Variants in ABCG2 observed in about 807,000 individuals in gnomAD.
ABCG2 encodes broad substrate specificity ATP-binding cassette transporter ABCG2.
Under a neutral mutation model 73.5 loss-of-function variants are expected in ABCG2, and 80 were observed. The observed-to-expected ratio is 1.09, with a 90% CI of 0.91 to 1.31. ABCG2 has a LOEUF of 1.31. Among genes scored for constraint, ABCG2 ranks in the 50% most tolerant of loss-of-function variants. The probability of loss-of-function intolerance (pLI) is 0.00; values close to 1 mark genes in which losing one functional copy is unlikely to be tolerated. For synonymous variants in ABCG2, 269 were observed against 282.4 expected (o/e 0.95, Z 0.48); for missense variants, 796 against 786.2 (o/e 1.01, Z -0.15).
chr4:88,129,358 A>C (rs931857097), intron 5 of ABCG2, among the ~76,000 whole-genome samples: 13 of 152,174 alleles, frequency 8.5e-5, no homozygotes, highest in African/African-American at 2.9e-4. Flanking sequence ...GTTATGTTTA[A>C]AATTTCACAA....
intron 9 of ABCG2, among the ~76,000 whole-genome samples, chr4:88,110,673 G>A (rs998578497): frequency 6.6e-5 from 10 of 152,116 alleles, no homozygotes; most frequent in Non-Finnish European, 1.2e-4. Flanking sequence ...CCAGCCTTTC[G>A]TTTATTATTG....
rs147171192 is a variant in ABCG2 at position 88,214,436 on chromosome 4, A to G, written c.-20+16558T>C. On this transcript the variant is annotated intron_variant, in intron 1 of 15. Transcript: ENST00000515655. ...TCTCAAATCCACTCCAATCAGAACG[A>G]TGAGACACATGACAAATTGTTTTAA... Among the ~76,000 whole-genome samples, 851 of 152,264 alleles carry G rather than the reference A, an allele frequency of 5.6e-3. 6 individuals carry two copies. The highest frequency in any genetic ancestry group is 0.013 in the Admixed American group (195 of 15,294).
chr4:88,187,684 T>C (rs1728520370), intron 1 of ABCG2, among the ~76,000 whole-genome samples: 1 of 152,208 alleles, frequency 6.6e-6, no homozygotes, highest in African/African-American at 2.4e-5. Flanking sequence ...GATTATTACA[T>C]ATTGTATGCC....
At chr4:88,128,293 G>A (rs1035937124) in intron 5 of ABCG2, among the ~76,000 whole-genome samples, 1 of 152,226 alleles carries the variant, frequency 6.6e-6, no homozygotes, top group Non-Finnish European at 1.5e-5. Flanking sequence ...AGAGGATGTG[G>A]AGAAATAAGA....
intron 6 of ABCG2, among the ~76,000 whole-genome samples, chr4:88,118,472 G>A (rs916085864): frequency 6.6e-6 from 1 of 152,128 alleles, no homozygotes. Context: ...GTGTTGTATT[G>A]ACAATCTAGA....
At chr4:88,229,235 C>T (rs77197787) in intron 1 of ABCG2, among the ~76,000 whole-genome samples, 5,038 of 152,294 alleles carry the variant, frequency 0.033, 127 homozygotes, top group Admixed American at 0.047. Context: ...CAACTCTGGA[C>T]ACAGTTCCAT....
chr4:88,170,938 C>T (rs1489641986), intron 1 of ABCG2, among the ~76,000 whole-genome samples: 1 of 152,032 alleles, frequency 6.6e-6, no homozygotes, highest in Non-Finnish European at 1.5e-5. Flanking sequence ...TACTATGCAG[C>T]CATAAAAAGG....
chr4:88,093,443 G>T (rs889045468), intron 15 of ABCG2, among the ~76,000 whole-genome samples: 6 of 146,622 alleles, frequency 4.1e-5, no homozygotes, highest in African/African-American at 1.5e-4. Context: ...GGTGGAGCTT[G>T]CAGTGAGCGG....
chr4:88,189,404 C>T (rs1370955969), intron 1 of ABCG2, among the ~76,000 whole-genome samples: 1 of 152,042 alleles, frequency 6.6e-6, no homozygotes, highest in Admixed American at 6.6e-5. Context: ...TTCCTAGCCA[C>T]TCAGGAGGCT....
intron 15 of ABCG2, 30 bp from the exon 16 acceptor site, chr4:88,092,411 T>C (rs1375979646): frequency 1.3e-6 from 2 of 1,597,348 alleles, no homozygotes; most frequent in African/African-American, 1.4e-5. Flanking sequence ...GAATATAACT[T>C]CATTCCTAGC....
intron 9 of ABCG2, among the ~76,000 whole-genome samples, chr4:88,110,359 A>T (rs908367315): frequency 3.9e-5 from 6 of 152,030 alleles, no homozygotes; most frequent in African/African-American, 1.4e-4. Flanking sequence ...CCTGGCCAAC[A>T]TGGTGCGACC....
At chr4:88,224,227 A>C (rs1032786299) in intron 1 of ABCG2, among the ~76,000 whole-genome samples, 6 of 152,278 alleles carry the variant, frequency 3.9e-5, no homozygotes, top group African/African-American at 1.2e-4. Context: ...AGGCAGGTGG[A>C]TCACTTGAGC....
rs1343164412 is a variant in ABCG2 at position 88,099,378 on chromosome 4, G to A, written c.1438C>T (p.Pro480Ser). ...ATAATACTTGGTAACATCCTCATGG[G>A]TAATAAATCAGATAACAGTTTTCCA... ...FLGKLLSDLL[P>S]MRMLPSIIFT... is the part of the protein sequence containing the mutation. Residue 480 changes from proline to serine, a missense_variant, in exon 12 of 16, where the codon CCC becomes TCC. Pro to Ser is a moderately conservative substitution (Grantham distance 74). Transcript: ENST00000237612. 1.9e-6 allele frequency: 3 copies of A among 1,611,582 alleles called. No homozygotes were observed. The highest frequency in any genetic ancestry group is 1.3e-5 in the African/African-American group (1 of 74,816).
intron 1 of ABCG2, among the ~76,000 whole-genome samples, chr4:88,152,149 C>T (rs1726538435): frequency 6.6e-6 from 1 of 152,112 alleles, no homozygotes; most frequent in Non-Finnish European, 1.5e-5. Flanking sequence ...GATAGAAGCT[C>T]ACATATGCAT....
At chr4:88,168,229 C>T (rs1341231148) in intron 1 of ABCG2, among the ~76,000 whole-genome samples, 1 of 152,026 alleles carries the variant, frequency 6.6e-6, no homozygotes, top group African/African-American at 2.4e-5. Flanking sequence ...TGGTTCACAC[C>T]TGTAATCCCA....
At chr4:88,212,996 G>A (rs995774464) in intron 1 of ABCG2, among the ~76,000 whole-genome samples, 1 of 152,194 alleles carries the variant, frequency 6.6e-6, no homozygotes, top group African/African-American at 2.4e-5. Flanking sequence ...TGAACTCTGG[G>A]GCCCAAATGA....
chr4:88,197,203 A>AAC, intron 1 of ABCG2, among the ~76,000 whole-genome samples: 1 of 151,970 alleles, frequency 6.6e-6, no homozygotes, highest in Non-Finnish European at 1.5e-5. Context: ...ACAACAAAAA[A>AAC]AAAAAAACAA....
At chr4:88,113,625 C>A in intron 8 of ABCG2, 72 bp from the exon 9 acceptor site, 1 of 1,551,922 alleles carries the variant, frequency 6.4e-7, no homozygotes, top group Non-Finnish European at 8.7e-7. Context: ...TTCTGTGAAC[C>A]CTTTCTTGGA....
rs138954742 is a variant in ABCG2 at position 88,109,112 on chromosome 4, C to A, written c.1195-1846G>T. ...CTCCCAGGTTCAAGCAACTCTCCTG[C>A]CTCAGCCTCCCAAGCAACTGGGATT... is the stretch of plus-strand genomic sequence containing the variant. On this transcript the variant is annotated intron_variant, in intron 9 of 15. Coordinates refer to ENST00000237612, the MANE Select transcript of ABCG2 (RefSeq NM_004827.3). Among the ~76,000 whole-genome samples, 3,097 of 151,740 alleles carry A rather than the reference C, an allele frequency of 0.02. 214 individuals are homozygous for A. In the East Asian group the frequency reaches 0.25, roughly 12 times the overall value.
Sources: gnomAD v4.1 joint callset for allele counts (sites outside exome capture counted in the v4.1 genomes callset) on GRCh38, gnomAD v4.1.1 for gene constraint, MANE v1.5 for transcripts, NCBI Gene and HGNC (gene_info 2026-07-23, HGNC 2026-07-21) for gene names.